PPM1A: variants seen among roughly 807,000 people sequenced by gnomAD.
PPM1A encodes protein phosphatase 1A.
Under a neutral mutation model 35.0 loss-of-function variants are expected in PPM1A, and 7 were observed. That is an observed-to-expected ratio of 0.20 (90% confidence interval 0.11 to 0.38). The LOEUF (loss-of-function observed/expected upper bound fraction) is 0.38, where lower values mean the gene tolerates loss of function less well. Among genes scored for constraint, PPM1A ranks in the 10% least tolerant of loss-of-function variants. The probability of loss-of-function intolerance (pLI) is 1.00; values close to 1 mark genes in which losing one functional copy is unlikely to be tolerated. For synonymous variants in PPM1A, 153 were observed against 167.3 expected, an observed-to-expected ratio of 0.91 and a Z score of 0.66; for missense variants, 239 against 467.8, an observed-to-expected ratio of 0.51 and a Z score of 4.51.
chr14:60,263,394 CTTAT>C (rs1232307329), intron 1 of PPM1A, among the ~76,000 whole-genome samples: 1 of 152,088 alleles, frequency 6.6e-6, no homozygotes, highest in Non-Finnish European at 1.5e-5. Context: ...TATGTATTTA[CTTAT>C]TTATTGAGCA....
At chr14:60,285,448 G>T (rs1467032235) in intron 2 of PPM1A, among the ~76,000 whole-genome samples, 176 bp from the exon 3 acceptor site, 1 of 148,906 alleles carries the variant, frequency 6.7e-6, no homozygotes, top group Admixed American at 6.6e-5. Flanking sequence ...GTTCGGGGGA[G>T]GGGGAGTCAT....
chr14:60,287,904 T>G (rs1267161906), intron 3 of PPM1A: 2 of 985,172 alleles, frequency 2.0e-6, no homozygotes. Flanking sequence ...TGAAACTTGG[T>G]GGAGGGGAGT....
At chr14:60,250,163 A>T (rs907842243) in intron 1 of PPM1A, among the ~76,000 whole-genome samples, 4 of 152,010 alleles carry the variant, frequency 2.6e-5, no homozygotes, top group African/African-American at 9.7e-5. Flanking sequence ...CGAAAAACCT[A>T]ATTCTGTAGA....
chr14:60,268,856 G>A lies in PPM1A; in HGVS notation c.-20-13828G>A, dbSNP rs563137726. On this transcript the variant is annotated intron_variant, in intron 1 of 5. Coordinates refer to ENST00000395076, the MANE Select transcript of PPM1A (RefSeq NM_021003.5). ...AGCTTACTTTTTAAGCAATTTCCAC[G>A]TTTGAGGTTTTCTTCTTTCTTTACA... is the stretch of plus-strand genomic sequence containing the variant. Among the ~76,000 whole-genome samples the A allele has an allele frequency of 6.9e-4, 104 of 150,378 alleles. 3 individuals carry two copies. The South Asian group carries it at 0.021, about 30-fold the overall frequency.
chr14:60,286,988 T>G, intron 3 of PPM1A: 2 of 882,238 alleles, frequency 2.3e-6, no homozygotes, highest in Non-Finnish European at 2.7e-6. Context: ...GCTACAATCA[T>G]TGGTTCAAAC....
rs1315967040 is a variant in PPM1A, at chr14:60,283,286, A to C, written c.583A>C (p.Arg195=). ...TGTGAATGGCTCTCTGGCTGTATCGAGGGCCCTTGGGGATTTTGATTACAA... is the reference window on the plus strand; with the variant it reads ...TGTGAATGGCTCTCTGGCTGTATCGCGGGCCCTTGGGGATTTTGATTACAA... The part of the protein sequence containing the change: ...QRVNGSLAVS[R]ALGDFDYKCV... Residue 195 remains arginine (R), a synonymous_variant, in exon 2 of 6, where the codon AGG becomes CGG. Coordinates refer to ENST00000395076, the MANE Select transcript of PPM1A (RefSeq NM_021003.5). The surrounding 1 kb of genome is among the most constrained non-coding windows in gnomAD (Gnocchi z 6.3). 6.2e-7 allele frequency: 1 copy of C among 1,614,148 alleles called. No homozygotes were observed. The highest frequency in any genetic ancestry group is 1.1e-5 in the South Asian group (1 of 91,080).
intron 1 of PPM1A, among the ~76,000 whole-genome samples, chr14:60,263,190 C>T (rs1272473869): frequency 6.6e-6 from 1 of 152,048 alleles, no homozygotes; most frequent in Non-Finnish European, 1.5e-5. Flanking sequence ...TGCTCCTAGC[C>T]TGGGTGACAG....
chr14:60,260,423 G>C (rs558166773), intron 1 of PPM1A, among the ~76,000 whole-genome samples: 2 of 152,028 alleles, frequency 1.3e-5, no homozygotes, highest in African/African-American at 4.8e-5. Flanking sequence ...ACTATAGCAT[G>C]AGTATTTTTT....
chr14:60,254,520 G>A (rs978993373), intron 1 of PPM1A, among the ~76,000 whole-genome samples: 1 of 152,146 alleles, frequency 6.6e-6, no homozygotes, highest in Non-Finnish European at 1.5e-5. Context: ...AGATATCATT[G>A]CTACAGGAAA....
chr14:60,289,548 A>G lies in PPM1A; in HGVS notation c.953-258A>G, dbSNP rs1385150971. On this transcript the variant is annotated intron_variant, in intron 3 of 5. Transcript: ENST00000395076. This position sits in a 1 kb window ranked among gnomAD's most constrained non-coding sequence, Gnocchi z 4.1. ...CTTGTGCACACATATCCTTGATTAT[A>G]TAATATGCTGATTTAACATGAAATA... 1.1e-4 allele frequency among the ~76,000 whole-genome samples: 16 copies of G among 152,160 alleles called. No individual in the cohort carries two copies. The highest frequency in any genetic ancestry group is 2.4e-4 in the Non-Finnish European group (16 of 68,020).
intron 5 of PPM1A, 42 bp downstream of exon 5, chr14:60,291,496 A>T: frequency 6.9e-7 from 1 of 1,453,184 alleles, no homozygotes; most frequent in South Asian, 1.3e-5. Context: ...CTTCCCCTCC[A>T]CTCTAAATGC....
At position 60,292,275 on chromosome 14, in the gene PPM1A, A is replaced by G. The variant is rs1416029709; in HGVS notation, c.1120-178A>G. Among the ~76,000 whole-genome samples, 1 of 152,184 alleles carries G rather than the reference A, an allele frequency of 6.6e-6. No homozygotes were observed. The highest frequency in any genetic ancestry group is 1.5e-5 in the Non-Finnish European group (1 of 68,010). On this transcript the variant is annotated intron_variant, in intron 5 of 5. Transcript: ENST00000395076. The surrounding 1 kb of genome is among the most constrained non-coding windows in gnomAD (Gnocchi z 4.2). Reference sequence around the variant, plus strand: ...AAACAAAGGATTAACAATTCTTTGAACAGATTAAACATTGCTATTTCATAT... The same window carrying G: ...AAACAAAGGATTAACAATTCTTTGAGCAGATTAAACATTGCTATTTCATAT...
rs1887747776 is a variant in PPM1A at position 60,292,498 on chromosome 14, C to G, written c.*16C>G. On this transcript the variant is annotated 3_prime_UTR_variant, in exon 6 of 6. Coordinates refer to ENST00000395076, the MANE Select transcript of PPM1A (RefSeq NM_021003.5). The surrounding 1 kb of genome is among the most constrained non-coding windows in gnomAD (Gnocchi z 4.2). ...TATGTGGTAAAACTGCTCATCTAGC[C>G]ATGGAGTTTACCTTCACCTCCAAAG... 6.3e-7 allele frequency: 1 copy of G among 1,589,546 alleles called. No homozygotes were observed. The highest frequency in any genetic ancestry group is 8.6e-7 in the Non-Finnish European group (1 of 1,158,910).
chr14:60,285,620 C>G lies in PPM1A; in HGVS notation c.835-4C>G, dbSNP rs1381575009. On this transcript the variant is annotated splice_polypyrimidine_tract_variant and splice_region_variant and intron_variant, in intron 2 of 5. Coordinates refer to ENST00000395076, the MANE Select transcript of PPM1A (RefSeq NM_021003.5). ...AAAATATTCTCAAATTTTTTTCTTC[C>G]CAGGGAAGTCGAGACAACATGAGTG... The G allele has an allele frequency of 1.2e-6, 2 of 1,609,652 alleles. No homozygotes were observed. The highest frequency in any genetic ancestry group is 1.7e-6 in the Non-Finnish European group (2 of 1,178,354).
intron 3 of PPM1A, chr14:60,287,829 A>G (rs1887194065): frequency 1.0e-6 from 1 of 984,140 alleles, no homozygotes; most frequent in African/African-American, 1.7e-5. Context: ...ATATATTTTC[A>G]AAATCTTTGC....
At chr14:60,251,608 T>A (rs547189879) in intron 1 of PPM1A, among the ~76,000 whole-genome samples, 95 of 152,346 alleles carry the variant, frequency 6.2e-4, no homozygotes, top group African/African-American at 2.1e-3. Context: ...TTACTACATT[T>A]AAAAATTTTT....
chr14:60,284,436 T>TC (rs1886725369), intron 2 of PPM1A, among the ~76,000 whole-genome samples: 1 of 152,062 alleles, frequency 6.6e-6, no homozygotes, highest in East Asian at 1.9e-4. Flanking sequence ...GGTCAGGAGA[T>TC]CGAGACCATC....
chr14:60,247,368 G>T (rs1362433413), upstream of PPM1A, among the ~76,000 whole-genome samples: 1 of 152,040 alleles, frequency 6.6e-6, no homozygotes, highest in Non-Finnish European at 1.5e-5. Flanking sequence ...AGTGGCTCAC[G>T]ACTGTAATCC....
intron 1 of PPM1A, among the ~76,000 whole-genome samples, chr14:60,259,114 C>T (rs143589372): frequency 1.3e-5 from 2 of 152,072 alleles, no homozygotes; most frequent in African/African-American, 4.8e-5. Context: ...TCTCTCTTTC[C>T]TCAGCATCTA....
Sources: gnomAD v4.1 joint callset for allele counts (sites outside exome capture counted in the v4.1 genomes callset) on GRCh38, gnomAD v4.1.1 for gene constraint, Gnocchi (gnomAD v3.1) non-coding constraint, MANE v1.5 for transcripts, NCBI Gene and HGNC (gene_info 2026-07-23, HGNC 2026-07-21) for gene names.